Variants in GRIK5 observed in about 807,000 individuals in gnomAD.
GRIK5 encodes glutamate ionotropic receptor kainate type subunit 5.
A neutral mutation model predicts 97.4 loss-of-function variants in GRIK5; 43 were observed. The observed-to-expected ratio is 0.44, with a 90% CI of 0.35 to 0.57. GRIK5 has a LOEUF of 0.57. Ranked by LOEUF, GRIK5 falls within the 20% of genes least tolerant of loss-of-function variation. The probability of loss-of-function intolerance (pLI) is 0.01; values close to 1 mark genes in which losing one functional copy is unlikely to be tolerated. For missense variants in GRIK5, 1,015 were observed against 1,382.0 expected (o/e 0.73, Z 4.21); for synonymous variants, 580 against 583.5 (o/e 0.99, Z 0.09).
At chr19:42,033,337 A>C (rs1025307769) in intron 12 of GRIK5, among the ~76,000 whole-genome samples, 39 of 151,988 alleles carry the variant, frequency 2.6e-4, no homozygotes, top group Non-Finnish European at 4.9e-4. Context: ...AAAAAAAAAA[A>C]AACGGAATGC....
At position 42,022,562 on chromosome 19, in the gene GRIK5, C is replaced by G; in HGVS notation, c.1474-208G>C. The G allele has an allele frequency of 2.0e-6, 2 of 985,228 alleles. No homozygotes were observed. Among genetic ancestry groups the G allele is most frequent in the Non-Finnish European group, 2.4e-6 (2 of 829,884 alleles). 61.0% of individuals were successfully genotyped at this position (985,228 alleles called of 1,614,324 possible). A position where few individuals can be genotyped will look rare whatever the true frequency, so the allele number is the denominator to read the frequency against. On this transcript the variant is annotated intron_variant, in intron 12 of 19. Transcript: ENST00000593562. The surrounding 1 kb of genome is among the most constrained non-coding windows in gnomAD (Gnocchi z 4.2). ...CTCATCGCATGTCCATCCTCATCATCTCACGTCTCCAGACACACTGACTCC... is the reference window on the plus strand; with the variant it reads ...CTCATCGCATGTCCATCCTCATCATGTCACGTCTCCAGACACACTGACTCC...
rs1314279892 is a variant in GRIK5, at chr19:42,006,889, G to A, written c.1872-79C>T. On this transcript the variant is annotated intron_variant, in intron 15 of 19. Coordinates refer to ENST00000593562, the MANE Select transcript of GRIK5 (RefSeq NM_002088.5). The surrounding 1 kb of genome is among the most constrained non-coding windows in gnomAD (Gnocchi z 5.3). ...CCCGTGGCCATGCCCCCCATTGGTG[G>A]TGCCCCTCCCAAGTGACCCCAGCAT... The A allele has an allele frequency of 9.3e-7, 1 of 1,079,694 alleles. No homozygotes were observed. Among genetic ancestry groups the A allele is most frequent in the Non-Finnish European group, 1.3e-6 (1 of 761,234 alleles). 66.9% of individuals were successfully genotyped at this position (1,079,694 alleles called of 1,614,324 possible).
At chr19:42,008,744 G>A (rs144518247) in intron 15 of GRIK5, among the ~76,000 whole-genome samples, 292 of 152,184 alleles carry the variant, frequency 1.9e-3, no homozygotes, top group African/African-American at 6.0e-3. Context: ...TAGCAGACAA[G>A]GACATGAAAA....
At chr19:42,060,797 T>A (rs1221597825) in intron 5 of GRIK5, among the ~76,000 whole-genome samples, 1 of 150,738 alleles carries the variant, frequency 6.6e-6, no homozygotes, top group Non-Finnish European at 1.5e-5. Flanking sequence ...TATTCCAACA[T>A]CACCTTCTCA....
chr19:42,010,543 CT>C (rs1469024124), intron 15 of GRIK5, among the ~76,000 whole-genome samples: 1 of 152,204 alleles, frequency 6.6e-6, no homozygotes, highest in Non-Finnish European at 1.5e-5. Context: ...TCAAAACAAA[CT>C]GTCAACCTAG....
intron 15 of GRIK5, among the ~76,000 whole-genome samples, chr19:42,009,690 C>T (rs1555873563): frequency 6.6e-6 from 1 of 150,810 alleles, no homozygotes; most frequent in Admixed American, 6.6e-5. Flanking sequence ...ATTGCCTGAA[C>T]CTGGGAGGTA....
chr19:42,024,719 C>T (rs965926891), intron 12 of GRIK5, among the ~76,000 whole-genome samples: 1 of 152,152 alleles, frequency 6.6e-6, no homozygotes, highest in Non-Finnish European at 1.5e-5. Flanking sequence ...GGCTCCCCCA[C>T]CGCATTCCTG....
chr19:42,005,781 G>C lies in GRIK5; in HGVS notation c.2205C>G (p.Asn735Lys). 6.2e-7 allele frequency: 1 copy of C among 1,614,190 alleles called. No homozygotes were observed. The highest frequency in any genetic ancestry group is 8.5e-7 in the Non-Finnish European group (1 of 1,179,994). The change falls in exon 17 of 20, where the codon AAC becomes AAG. Residue 735 changes from asparagine (N) to lysine (K), a missense_variant. By Grantham distance (94) the Asn-to-Lys change is moderately conservative. This residue lies in a region of GRIK5 where 229 missense variants were observed against 341.0 expected (regional missense o/e 0.67). Transcript: ENST00000593562. ...CGAGGAGTCCCCCGATCTGGGTGAG[G>C]TTGCAGTTGAGGCGCCGGTGGTATT... ...MNEYHRRLNC[N>K]LTQIGGLLDT...
At chr19:42,068,450 G>T in intron 1 of GRIK5, 1 of 324,802 alleles carries the variant, frequency 3.1e-6, no homozygotes. Flanking sequence ...GGAAAAGTCA[G>T]CATGGACCAC....
chr19:42,026,970 T>C (rs1248349742), intron 12 of GRIK5, among the ~76,000 whole-genome samples: 1 of 152,096 alleles, frequency 6.6e-6, no homozygotes, highest in Non-Finnish European at 1.5e-5. Flanking sequence ...GTTCCCCTTA[T>C]GAGACTCTGT....
In GRIK5 at chr19:42,068,691, G is replaced by C. The variant is rs554377524; in HGVS notation, c.-51+550C>G. On this transcript the variant is annotated intron_variant, in intron 1 of 19. Transcript: ENST00000593562. ...GCCAGGGTGGAGGAGTTCTGACAGA[G>C]AGAGGGATCTAAACAGAGACATGCC... 10 of 446,622 alleles carry C rather than the reference G, an allele frequency of 2.2e-5. No individual in the cohort carries two copies. The Admixed American group carries it at 4.2e-4, about 19-fold the overall frequency. The allele number at this position is 446,622 out of a possible 1,614,324, so 27.7% of individuals were successfully genotyped here.
chr19:42,062,726 C>A lies in GRIK5; in HGVS notation c.342+32G>T. The stretch of plus-strand genomic sequence containing the variant: ...CCTCGCCTCCCAGGGACCCGCTCCC[C>A]ACAAAGCGCCGGCCCACACTCCCCA... On this transcript the variant is annotated intron_variant, in intron 4 of 19. Coordinates refer to ENST00000593562, the MANE Select transcript of GRIK5 (RefSeq NM_002088.5). This position sits in a 1 kb window ranked among gnomAD's most constrained non-coding sequence, Gnocchi z 5.3. 6.2e-7 allele frequency: 1 copy of A among 1,612,504 alleles called. No homozygotes were observed. The highest frequency in any genetic ancestry group is 8.5e-7 in the Non-Finnish European group (1 of 1,178,532).
At chr19:42,023,558 C>T (rs1380577528) in intron 12 of GRIK5, among the ~76,000 whole-genome samples, 1 of 152,162 alleles carries the variant, frequency 6.6e-6, no homozygotes, top group Admixed American at 6.5e-5. Flanking sequence ...TTCAGGTGGG[C>T]TCCAGTCCTG....
intron 12 of GRIK5, among the ~76,000 whole-genome samples, chr19:42,028,082 C>A (rs1025863200): frequency 6.6e-6 from 1 of 152,186 alleles, no homozygotes; most frequent in Non-Finnish European, 1.5e-5. Context: ...ATCCTCCCAC[C>A]TTGGCTTCCC....
Position 42,022,741 on chromosome 19 carries a change from G to A in GRIK5, c.1474-387C>T, listed in dbSNP as rs946067616. 33 of 818,120 alleles carry A rather than the reference G, an allele frequency of 4.0e-5. No individual in the cohort carries two copies. Among genetic ancestry groups the A allele is most frequent in the East Asian group, 1.2e-4 (1 of 8,052 alleles). The allele number at this position is 818,120 out of a possible 1,614,324, so 50.7% of individuals were successfully genotyped here. A position where few individuals can be genotyped will look rare whatever the true frequency, so the allele number is the denominator to read the frequency against. On this transcript the variant is annotated intron_variant, in intron 12 of 19. Coordinates refer to ENST00000593562, the MANE Select transcript of GRIK5 (RefSeq NM_002088.5). The surrounding 1 kb of genome is among the most constrained non-coding windows in gnomAD (Gnocchi z 4.2). ...ACAGCACTCGAGATAATACAGGCCC[G>A]GACAGAACACAGAGCAGGGAGAGAG...
At chr19:42,048,874 T>TA (rs922067945) in intron 11 of GRIK5, among the ~76,000 whole-genome samples, 12 of 151,360 alleles carry the variant, frequency 7.9e-5, no homozygotes, top group Non-Finnish European at 1.2e-4. Flanking sequence ...CCCTGTCAAT[T>TA]AAAAAAAATT....
At chr19:42,059,295 T>C in intron 6 of GRIK5, 54 bp downstream of exon 6, 2 of 1,473,314 alleles carry the variant, frequency 1.4e-6, no homozygotes, top group South Asian at 2.4e-5. Context: ...ACTTGCTCGG[T>C]CACCCCAAGT....
At position 42,057,149 on chromosome 19, in the gene GRIK5, A is replaced by C. The variant is rs1237748790; in HGVS notation, c.688-171T>G. Among the ~76,000 whole-genome samples the C allele has an allele frequency of 2.0e-5, 3 of 152,148 alleles. No individual in the cohort carries two copies. The East Asian group carries it at 5.8e-4, about 29-fold the overall frequency. On this transcript the variant is annotated intron_variant, in intron 6 of 19. Transcript: ENST00000593562. ...CAGAGATAGACAGACAGGGAGGAGGAGACAAGTGGGGGCATAGGGAGGCCT... is the reference window on the plus strand; with the variant it reads ...CAGAGATAGACAGACAGGGAGGAGGCGACAAGTGGGGGCATAGGGAGGCCT...
At chr19:42,030,512 C>A (rs1287887121) in intron 12 of GRIK5, among the ~76,000 whole-genome samples, 1 of 152,050 alleles carries the variant, frequency 6.6e-6, no homozygotes, top group Non-Finnish European at 1.5e-5. Flanking sequence ...AGGCTGGAGT[C>A]CAGCAGCGTG....
Sources: gnomAD v4.1 joint callset for allele counts (sites outside exome capture counted in the v4.1 genomes callset) on GRCh38, gnomAD v4.1.1 for gene constraint, gnomAD v4.1.1 regional missense constraint, Gnocchi (gnomAD v3.1) non-coding constraint, MANE v1.5 for transcripts, NCBI Gene and HGNC (gene_info 2026-07-23, HGNC 2026-07-21) for gene names.